The following DAG1 variants were observed in gnomAD, a reference collection of about 807,000 sequenced individuals.
The protein encoded by DAG1 is dystroglycan 1 (dystrophin-associated glycoprotein 1).
DAG1 carries 8 observed loss-of-function variants against 46.1 expected under a neutral mutation model. The ratio of observed to expected loss-of-function variants is 0.17; its 90% CI spans 0.10 to 0.31. DAG1 has a LOEUF of 0.31. Among genes scored for constraint, DAG1 ranks in the 10% least tolerant of loss-of-function variants. The probability of loss-of-function intolerance (pLI) is 1.00; values close to 1 mark genes in which losing one functional copy is unlikely to be tolerated. For synonymous variants in DAG1, 495 were observed against 481.8 expected (o/e 1.03, Z -0.36); for missense variants, 1,003 against 1,189.9 (o/e 0.84, Z 2.31).
At chr3:49,496,444 A>G (rs954413201) in intron 1 of DAG1, among the ~76,000 whole-genome samples, 27 of 131,984 alleles carry the variant, frequency 2.0e-4, no homozygotes, top group African/African-American at 7.9e-4. Flanking sequence ...CACAACCTCC[A>G]CCTCCCAGGT....
In DAG1 at chr3:49,534,873, G is replaced by A. The variant is rs900154409; in HGVS notation, c.*1674G>A. The A allele has an allele frequency of 1.3e-5, 2 of 153,958 alleles. No homozygotes were observed. Among genetic ancestry groups the A allele is most frequent in the African/African-American group, 4.8e-5 (2 of 41,472 alleles). The allele number at this position is 153,958 out of a possible 1,614,324, so 9.5% of individuals were successfully genotyped here. A position where few individuals can be genotyped will look rare whatever the true frequency, so the allele number is the denominator to read the frequency against. ...GATTGAGGGTGGGTGGGTGGACCCAGGCTCCCTTTGCACACAGAGCAGCTA... is the reference window on the plus strand; with the variant it reads ...GATTGAGGGTGGGTGGGTGGACCCAAGCTCCCTTTGCACACAGAGCAGCTA... On this transcript the variant is annotated 3_prime_UTR_variant, in exon 3 of 3. Transcript: ENST00000308775.
At chr3:49,522,671 C>A (rs2051064129) in intron 2 of DAG1, among the ~76,000 whole-genome samples, 1 of 152,120 alleles carries the variant, frequency 6.6e-6, no homozygotes, top group African/African-American at 2.4e-5. Flanking sequence ...TTTTGGGATG[C>A]ACTTTGTGGG....
chr3:49,532,129 C>G lies in DAG1; in HGVS notation c.1618C>G (p.Leu540Val), dbSNP rs139119186. The change falls in exon 3 of 3, where the codon CTG becomes GTG. Residue 540 changes from leucine to valine, a missense_variant. By Grantham distance (32) the Leu-to-Val change is conservative (BLOSUM62 1). Coordinates refer to ENST00000308775, the MANE Select transcript of DAG1 (RefSeq NM_004393.6). The surrounding 1 kb of genome is among the most constrained non-coding windows in gnomAD (Gnocchi z 5.4). ...TGACAAGCTGAAGCTGACCCTGAAA[C>G]TGCGGGAGCAGCAGCTGGTGGGCGA... ...TTDKLKLTLK[L>V]REQQLVGEKS... The G allele has an allele frequency of 1.9e-6, 3 of 1,614,144 alleles. No homozygotes were observed. The highest frequency in any genetic ancestry group is 2.7e-5 in the African/African-American group (2 of 74,956).
rs1276291809 is a variant in DAG1, at chr3:49,533,516, A to T, written c.*317A>T. 1 of 561,292 alleles carries T rather than the reference A, an allele frequency of 1.8e-6. No individual in the cohort carries two copies. Among genetic ancestry groups the T allele is most frequent in the East Asian group, 3.9e-5 (1 of 25,436 alleles). The allele number at this position is 561,292 out of a possible 1,614,324, so 34.8% of individuals were successfully genotyped here. ...TGGAGTGGAGGTGGAGGGAGCGAGG[A>T]ACCATGAATGAACTCGCAGGCAGTG... On this transcript the variant is annotated 3_prime_UTR_variant, in exon 3 of 3. Coordinates refer to ENST00000308775, the MANE Select transcript of DAG1 (RefSeq NM_004393.6).
chr3:49,473,904 GAC>G (rs1340591723), intron 1 of DAG1, among the ~76,000 whole-genome samples: 2 of 145,760 alleles, frequency 1.4e-5, no homozygotes, highest in African/African-American at 5.1e-5. Context: ...TTTCTTCTGA[GAC>G]AGAGTCTCAC....
rs529831329 is a variant in DAG1, at chr3:49,475,109, G to T, written c.-117+4676G>T. On this transcript the variant is annotated intron_variant, in intron 1 of 2. Coordinates refer to ENST00000308775, the MANE Select transcript of DAG1 (RefSeq NM_004393.6). ...TTACAGACGTGAGCCACCGTGCCCG[G>T]TTTTTTTTTTTTAAGATGGAGTTTC... Among the ~76,000 whole-genome samples the T allele has an allele frequency of 1.3e-4, 18 of 142,962 alleles. No individual in the cohort carries two copies. In the South Asian group the frequency reaches 2.2e-3, roughly 18 times the overall value. 93.8% of individuals were successfully genotyped at this position (142,962 alleles called of 152,430 possible).
intron 1 of DAG1, among the ~76,000 whole-genome samples, chr3:49,475,646 A>G (rs533618533): frequency 2.0e-5 from 3 of 151,616 alleles, no homozygotes; most frequent in Non-Finnish European, 4.4e-5. Flanking sequence ...GCCTTAAGGA[A>G]TAGGGTTCTC....
chr3:49,531,565 G>C lies in DAG1; in HGVS notation c.1054G>C (p.Glu352Gln), dbSNP rs756240419. ...PTSPAIAPPT[E>Q]TMAPPVRDPV... Reference sequence around the variant, plus strand: ...ATCTCCAGCCATTGCTCCTCCAACAGAGACCATGGCTCCTCCAGTCAGGGA... The same window carrying C: ...ATCTCCAGCCATTGCTCCTCCAACACAGACCATGGCTCCTCCAGTCAGGGA... Residue 352 changes from glutamate (E) to glutamine (Q), a missense_variant, in exon 3 of 3, where the codon GAG becomes CAG. Glu to Gln is a conservative substitution (Grantham distance 29). Around this residue, in one of 3 missense-constraint regions of DAG1, gnomAD observed 755 missense variants for 854.1 expected, o/e 0.88. Coordinates refer to ENST00000308775, the MANE Select transcript of DAG1 (RefSeq NM_004393.6). The surrounding 1 kb of genome is among the most constrained non-coding windows in gnomAD (Gnocchi z 7.0). 6.2e-7 allele frequency: 1 copy of C among 1,612,056 alleles called. No individual in the cohort carries two copies. Among genetic ancestry groups the C allele is most frequent in the Admixed American group, 1.7e-5 (1 of 59,978 alleles).
chr3:49,501,367 G>A lies in DAG1; in HGVS notation c.-116-9052G>A, dbSNP rs1164175024. The stretch of plus-strand genomic sequence containing the variant: ...GAAGAACCTGAAAAAAAGGTCCTGT[G>A]TCTCCCCATTCATTCATTAGGTGTA... On this transcript the variant is annotated intron_variant, in intron 1 of 2. Transcript: ENST00000308775. Among the ~76,000 whole-genome samples the A allele has an allele frequency of 3.9e-5, 6 of 152,284 alleles. No homozygotes were observed. In the South Asian group the frequency reaches 1.2e-3, roughly 32 times the overall value.
At chr3:49,473,379 G>A (rs1471746282) in intron 1 of DAG1, among the ~76,000 whole-genome samples, 7 of 151,860 alleles carry the variant, frequency 4.6e-5, no homozygotes, top group African/African-American at 4.8e-5. Flanking sequence ...CTGAGATAGC[G>A]CCACTGCAGT....
At chr3:49,522,196 A>AT (rs1472367936) in intron 2 of DAG1, among the ~76,000 whole-genome samples, 6 of 151,574 alleles carry the variant, frequency 4.0e-5, no homozygotes, top group African/African-American at 9.7e-5. Context: ...CACCCAGCTA[A>AT]TTTTTTTGTA....
chr3:49,502,678 G>T (rs1352127734), intron 1 of DAG1, among the ~76,000 whole-genome samples: 1 of 134,446 alleles, frequency 7.4e-6, no homozygotes, highest in African/African-American at 2.8e-5. Flanking sequence ...TTGCTCTGTC[G>T]CCTAGGCTGG....
In DAG1 at chr3:49,532,627, A is replaced by G. The variant is rs138386617; in HGVS notation, c.2116A>G (p.Thr706Ala). Reference protein sequence around the residue: ...LEPDFKATSITVTGSGSCRHL... With the variant: ...LEPDFKATSIAVTGSGSCRHL... ...GCCTGACTTTAAGGCCACAAGCATC[A>G]CTGTGACGGGCTCTGGCAGTTGTCG... The change falls in exon 3 of 3, where the codon ACT becomes GCT. Residue 706 changes from threonine (T) to alanine (A), a missense_variant. Physicochemically the swap from Thr to Ala is moderately conservative, Grantham distance 58 (BLOSUM62 0). Coordinates refer to ENST00000308775, the MANE Select transcript of DAG1 (RefSeq NM_004393.6). The surrounding 1 kb of genome is among the most constrained non-coding windows in gnomAD (Gnocchi z 5.4). The G allele has an allele frequency of 6.7e-5, 108 of 1,613,706 alleles. No homozygotes were observed. The highest frequency in any genetic ancestry group is 8.6e-5 in the Non-Finnish European group (102 of 1,179,658).
At chr3:49,523,073 G>T (rs1480650340) in intron 2 of DAG1, among the ~76,000 whole-genome samples, 1 of 151,870 alleles carries the variant, frequency 6.6e-6, no homozygotes, top group Non-Finnish European at 1.5e-5. Flanking sequence ...TGCTGCTAAG[G>T]ACCTCAGAGC....
At chr3:49,524,938 C>T (rs1323146871) in intron 2 of DAG1, among the ~76,000 whole-genome samples, 1 of 152,146 alleles carries the variant, frequency 6.6e-6, no homozygotes, top group Non-Finnish European at 1.5e-5. Flanking sequence ...GATCACACTA[C>T]TGAATTCCAG....
At chr3:49,526,049 C>T (rs1470014463) in intron 2 of DAG1, among the ~76,000 whole-genome samples, 1 of 152,132 alleles carries the variant, frequency 6.6e-6, no homozygotes, top group Non-Finnish European at 1.5e-5. Flanking sequence ...CAGGGTTTCA[C>T]CATGTTGACC....
intron 2 of DAG1, among the ~76,000 whole-genome samples, chr3:49,524,504 A>G (rs2107809238): frequency 6.6e-6 from 1 of 151,806 alleles, no homozygotes; most frequent in Middle Eastern, 3.4e-3. Flanking sequence ...AGGAAGACCC[A>G]TCTCTACAAA....
At chr3:49,473,520 T>C (rs1012457862) in intron 1 of DAG1, among the ~76,000 whole-genome samples, 2 of 152,068 alleles carry the variant, frequency 1.3e-5, no homozygotes, top group African/African-American at 4.8e-5. Flanking sequence ...TCTTAACCCG[T>C]GAGAGACAAT....
Position 49,531,217 on chromosome 3 carries a change from T to C in DAG1, c.706T>C (p.Phe236Leu), listed in dbSNP as rs544324635. 6.2e-7 allele frequency: 1 copy of C among 1,614,146 alleles called. No homozygotes were observed. The highest frequency in any genetic ancestry group is 2.2e-5 in the East Asian group (1 of 44,880). ...AGTGCCGGTGGTGAATAACAGACTA[T>C]TTGACATGTCGGCCTTCATGGCTGG... ...KLVPVVNNRLFDMSAFMAGPG... is the reference protein window; with the variant it reads ...KLVPVVNNRLLDMSAFMAGPG... The change falls in exon 3 of 3, where the codon TTT becomes CTT. Residue 236 changes from phenylalanine (F) to leucine (L), a missense_variant. Physicochemically the swap from Phe to Leu is conservative, Grantham distance 22 (BLOSUM62 0). Coordinates refer to ENST00000308775, the MANE Select transcript of DAG1 (RefSeq NM_004393.6). The surrounding 1 kb of genome is among the most constrained non-coding windows in gnomAD (Gnocchi z 7.0).
Sources: allele counts gnomAD v4.1 joint callset (sites outside exome capture counted in the v4.1 genomes callset), GRCh38; gene constraint gnomAD v4.1.1; regional missense constraint gnomAD v4.1.1; non-coding constraint Gnocchi (gnomAD v3.1); transcripts MANE v1.5; gene names NCBI Gene and HGNC (gene_info 2026-07-23, HGNC 2026-07-21).